Variants in SEMA4D observed in about 807,000 individuals in gnomAD.
The protein encoded by SEMA4D is semaphorin 4D.
SEMA4D carries 22 observed loss-of-function variants against 74.8 expected under a neutral mutation model. The observed-to-expected ratio is 0.29, with a 90% CI of 0.21 to 0.42. SEMA4D has a LOEUF of 0.42. Among genes scored for constraint, SEMA4D ranks in the 10% least tolerant of loss-of-function variants. The pLI is 1.00. For synonymous variants in SEMA4D, 445 were observed against 463.7 expected, an observed-to-expected ratio of 0.96 and a Z score of 0.52; for missense variants, 937 against 1,118.4, an observed-to-expected ratio of 0.84 and a Z score of 2.31.
At chr9:89,439,343 T>G (rs1331495001) in intron 2 of SEMA4D, among the ~76,000 whole-genome samples, 1 of 152,160 alleles carries the variant, frequency 6.6e-6, no homozygotes, top group African/African-American at 2.4e-5. Flanking sequence ...TCAGACATGT[T>G]TATAGATTCA....
chr9:89,393,596 A>G lies in SEMA4D; in HGVS notation c.474T>C (p.Phe158=), dbSNP rs752265478. ...CGGATGTGTAGCTGTGTGCTGGGTCAAAGGGACATCTTCCTTTGCCATCTT... is the reference window on the plus strand; with the variant it reads ...CGGATGTGTAGCTGTGTGCTGGGTCGAAGGGACATCTTCCTTTGCCATCTT... ...KNEDGKGRCP[F]DPAHSYTSVM... The change falls in exon 7 of 16, where the codon TTT becomes TTC. Residue 158 remains phenylalanine, a synonymous_variant. Transcript: ENST00000422704. 23 of 1,614,106 alleles carry G rather than the reference A, an allele frequency of 1.4e-5. No individual in the cohort carries two copies. Among genetic ancestry groups the G allele is most frequent in the Non-Finnish European group, 1.9e-5 (22 of 1,180,032 alleles).
At chr9:89,438,240 A>G (rs1850891043) in intron 2 of SEMA4D, among the ~76,000 whole-genome samples, 1 of 152,234 alleles carries the variant, frequency 6.6e-6, no homozygotes, top group Admixed American at 6.5e-5. Context: ...TTTGGAGATG[A>G]GAAACTGGAG....
intron 2 of SEMA4D, among the ~76,000 whole-genome samples, chr9:89,446,303 G>T (rs1470231907): frequency 6.6e-6 from 1 of 152,132 alleles, no homozygotes; most frequent in Non-Finnish European, 1.5e-5. Flanking sequence ...CCCACCTCAA[G>T]ATCCTCAACT....
intron 15 of SEMA4D, 149 bp from the exon 16 acceptor site, chr9:89,379,778 G>C (rs77206358): frequency 1.0e-6 from 1 of 995,788 alleles, no homozygotes; most frequent in African/African-American, 1.6e-5. Context: ...AAAGACATGC[G>C]TGACCAAAAA....
chr9:89,470,243 A>G (rs887210015), intron 1 of SEMA4D, among the ~76,000 whole-genome samples: 8 of 152,258 alleles, frequency 5.3e-5, no homozygotes, highest in Non-Finnish European at 7.3e-5. Flanking sequence ...ATATCTGACA[A>G]AGAACTTGTA....
At chr9:89,419,992 C>T (rs1404868987) in intron 2 of SEMA4D, among the ~76,000 whole-genome samples, 4 of 152,052 alleles carry the variant, frequency 2.6e-5, no homozygotes, top group Non-Finnish European at 5.9e-5. Flanking sequence ...TAATAAAGAC[C>T]CAGAACTGCT....
At chr9:89,413,337 C>A (rs1462729885) in intron 2 of SEMA4D, among the ~76,000 whole-genome samples, 1 of 152,236 alleles carries the variant, frequency 6.6e-6, no homozygotes, top group Non-Finnish European at 1.5e-5. Context: ...AGCTCTCCCA[C>A]CCCCAGGGGT....
At chr9:89,421,457 T>C (rs1214013768) in intron 2 of SEMA4D, among the ~76,000 whole-genome samples, 1 of 152,150 alleles carries the variant, frequency 6.6e-6, no homozygotes, top group African/African-American at 2.4e-5. Flanking sequence ...AGAAGCTACA[T>C]CCAGAATCTC....
At chr9:89,470,797 A>G (rs1454778623) in intron 1 of SEMA4D, among the ~76,000 whole-genome samples, 1 of 152,230 alleles carries the variant, frequency 6.6e-6, no homozygotes, top group Admixed American at 6.5e-5. Flanking sequence ...AGTCAATCTC[A>G]AAAGGCTATG....
chr9:89,363,248 A>G (rs1833000597), intron 18 of SEMA4D, among the ~76,000 whole-genome samples: 1 of 150,374 alleles, frequency 6.7e-6, no homozygotes, highest in Admixed American at 6.8e-5. Flanking sequence ...CTGCAGTCTC[A>G]GCAACAAGAC....
intron 1 of SEMA4D, among the ~76,000 whole-genome samples, chr9:89,466,823 A>G (rs770833213): frequency 2.6e-5 from 4 of 152,172 alleles, no homozygotes; most frequent in Non-Finnish European, 4.4e-5. Flanking sequence ...CATGACGATG[A>G]CCAATACGAG....
intron 1 of SEMA4D, among the ~76,000 whole-genome samples, chr9:89,469,055 TC>T (rs1859485205): frequency 6.6e-6 from 1 of 152,112 alleles, no homozygotes; most frequent in Non-Finnish European, 1.5e-5. Flanking sequence ...AGCCCTGAGG[TC>T]CTCATATGTT....
intron 2 of SEMA4D, 132 bp from the exon 3 acceptor site, chr9:89,405,831 G>T (rs967848306): frequency 3.9e-6 from 5 of 1,290,100 alleles, no homozygotes; most frequent in Non-Finnish European, 4.9e-6. Context: ...AAGGCAGCGG[G>T]GGACAAAGAG....
downstream of SEMA4D, among the ~76,000 whole-genome samples, chr9:89,373,646 C>T (rs1350317418): frequency 6.6e-6 from 1 of 152,236 alleles, no homozygotes; most frequent in Non-Finnish European, 1.5e-5. Context: ...CCCCAAACCA[C>T]TGTGACAGCT....
intron 4 of SEMA4D, among the ~76,000 whole-genome samples, chr9:89,399,575 T>C (rs138132011): frequency 1.7e-3 from 257 of 152,312 alleles, no homozygotes; most frequent in African/African-American, 5.9e-3. Context: ...GCTCCAAAAG[T>C]TCCATCACTC....
At chr9:89,370,108 AGTGT>A (rs772307049) in intron 16 of SEMA4D, among the ~76,000 whole-genome samples, 9 of 149,186 alleles carry the variant, frequency 6.0e-5, no homozygotes, top group Middle Eastern at 3.6e-3. Context: ...GTGTGTGTAC[AGTGT>A]GTGTGTGTGG....
At chr9:89,476,018 G>A (rs780162208) in intron 1 of SEMA4D, among the ~76,000 whole-genome samples, 9 of 152,216 alleles carry the variant, frequency 5.9e-5, no homozygotes, top group Non-Finnish European at 1.2e-4. Flanking sequence ...GGCCAGTGGT[G>A]ACCGGAATGA....
At chr9:89,375,267 T>G (rs559237462), downstream of SEMA4D, among the ~76,000 whole-genome samples, 1 of 152,296 alleles carries the variant, frequency 6.6e-6, no homozygotes, top group East Asian at 1.9e-4. Flanking sequence ...CTGGGATGCC[T>G]GCACCAAGGC....
intron 2 of SEMA4D, among the ~76,000 whole-genome samples, chr9:89,432,671 C>T (rs758355523): frequency 1.4e-4 from 22 of 152,264 alleles, no homozygotes; most frequent in Admixed American, 2.6e-4. Context: ...AACCGCCTCA[C>T]ACCAATCAGG....
Sources: allele counts gnomAD v4.1 joint callset (sites outside exome capture counted in the v4.1 genomes callset), GRCh38; gene constraint gnomAD v4.1.1; transcripts MANE v1.5; gene names NCBI Gene and HGNC (gene_info 2026-07-23, HGNC 2026-07-21).